CNTNAP2: variants seen among roughly 807,000 people sequenced by gnomAD.
CNTNAP2 encodes contactin-associated protein-like 2.
In CNTNAP2, 98 loss-of-function variants were observed where a neutral mutation model predicts 155.2. The observed-to-expected ratio is 0.63, with a 90% CI of 0.54 to 0.75. CNTNAP2 has a LOEUF of 0.75. Ranked by LOEUF, CNTNAP2 falls within the 30% of genes least tolerant of loss-of-function variation. The pLI is 0.00. For missense variants in CNTNAP2, 1,727 were observed against 1,688.1 expected, an observed-to-expected ratio of 1.02 and a Z score of -0.40; for synonymous variants, 651 against 631.2, an observed-to-expected ratio of 1.03 and a Z score of -0.47.
rs1475162956 is a variant in CNTNAP2, at chr7:148,407,060, T to A, written c.3716-2331T>A. Reference sequence around the variant, plus strand: ...AAAGAAGTCTGACATATAGTAGGCATTCTATAAAGATTTAGTGAATAAGTA... The same window carrying A: ...AAAGAAGTCTGACATATAGTAGGCAATCTATAAAGATTTAGTGAATAAGTA... On this transcript the variant is annotated intron_variant, in intron 22 of 23. Transcript: ENST00000361727. 2.6e-5 allele frequency among the ~76,000 whole-genome samples: 4 copies of A among 152,216 alleles called. 1 individual carries two copies. The highest frequency in any genetic ancestry group is 5.9e-5 in the Non-Finnish European group (4 of 68,048).
intron 13 of CNTNAP2, among the ~76,000 whole-genome samples, chr7:147,640,239 G>T (rs533144892): frequency 1.3e-5 from 2 of 152,010 alleles, no homozygotes; most frequent in Admixed American, 6.6e-5. Context: ...TATTTTTTGT[G>T]AAGCAAATAC....
chr7:147,115,801 C>T (rs1800975017), intron 5 of CNTNAP2, among the ~76,000 whole-genome samples: 1 of 152,160 alleles, frequency 6.6e-6, no homozygotes, highest in Non-Finnish European at 1.5e-5. Context: ...CTTCTGCAGC[C>T]TACTTCTGTC....
intron 10 of CNTNAP2, among the ~76,000 whole-genome samples, chr7:147,421,585 C>CTGTGTGTGGGTGTG: frequency 7.0e-6 from 1 of 143,602 alleles, no homozygotes; most frequent in East Asian, 2.1e-4. Flanking sequence ...TCTATCTAAT[C>CTGTGTGTGGGTGTG]TGTGTGTGTG....
At chr7:146,663,961 G>A (rs1360817250) in intron 1 of CNTNAP2, among the ~76,000 whole-genome samples, 1 of 151,996 alleles carries the variant, frequency 6.6e-6, no homozygotes, top group Non-Finnish European at 1.5e-5. Context: ...GGGGAAAAAC[G>A]TTCAGTCTTT....
At chr7:148,221,103 C>T (rs1795741387) in intron 19 of CNTNAP2, among the ~76,000 whole-genome samples, 1 of 152,086 alleles carries the variant, frequency 6.6e-6, no homozygotes, top group Non-Finnish European at 1.5e-5. Context: ...CGCTGCTGTG[C>T]CTTCATCACC....
intron 21 of CNTNAP2, among the ~76,000 whole-genome samples, chr7:148,358,879 G>C (rs1313879242): frequency 6.6e-6 from 1 of 152,196 alleles, no homozygotes; most frequent in Non-Finnish European, 1.5e-5. Flanking sequence ...CATAAAATGT[G>C]CACTTAAGAC....
In CNTNAP2 at chr7:147,084,510, A is replaced by G. The variant is rs371088431; in HGVS notation, c.551-23637A>G. On this transcript the variant is annotated intron_variant, in intron 4 of 23. Transcript: ENST00000361727. ...CACATAGCATGCTTATAAATGCTCT[A>G]TATTGTATATACATATAATACTATA... Among the ~76,000 whole-genome samples, 9 of 141,952 alleles carry G rather than the reference A, an allele frequency of 6.3e-5. No individual in the cohort carries two copies. In the East Asian group the frequency reaches 1.7e-3, roughly 27 times the overall value. 93.1% of individuals were successfully genotyped at this position (141,952 alleles called of 152,430 possible). A position where few individuals can be genotyped will look rare whatever the true frequency, so the allele number is the denominator to read the frequency against.
intron 1 of CNTNAP2, among the ~76,000 whole-genome samples, chr7:146,363,686 A>G (rs566040055): frequency 6.6e-6 from 1 of 152,150 alleles, no homozygotes; most frequent in Non-Finnish European, 1.5e-5. Context: ...ACATTGTGGG[A>G]TGTGTCCATG....
At chr7:146,900,392 C>A (rs1744114137) in intron 3 of CNTNAP2, among the ~76,000 whole-genome samples, 1 of 152,190 alleles carries the variant, frequency 6.6e-6, no homozygotes, top group African/African-American at 2.4e-5. Flanking sequence ...TGACCATCTG[C>A]AAGTCAATTC....
chr7:146,909,327 A>AAAGCCGGGCAGAGACACAACC (rs1359231107), intron 3 of CNTNAP2, among the ~76,000 whole-genome samples: 1 of 130,902 alleles, frequency 7.6e-6, no homozygotes, highest in African/African-American at 3.0e-5. Flanking sequence ...TTCTGATACC[A>AAAGCCGGGCAGAGACACAACC]AAGCCGGGCA....
intron 9 of CNTNAP2, among the ~76,000 whole-genome samples, chr7:147,304,260 A>G (rs1794990158): frequency 6.6e-6 from 1 of 152,052 alleles, no homozygotes; most frequent in Admixed American, 6.6e-5. Context: ...GTTATTTGGC[A>G]TGTTTCTTCA....
intron 15 of CNTNAP2, among the ~76,000 whole-genome samples, chr7:148,088,709 T>C (rs1276862524): frequency 6.6e-6 from 1 of 151,986 alleles, no homozygotes; most frequent in Non-Finnish European, 1.5e-5. Flanking sequence ...CCTGATAGCT[T>C]TACTGCTGAA....
At chr7:148,011,112 A>G (rs1802073624) in intron 15 of CNTNAP2, among the ~76,000 whole-genome samples, 2 of 152,132 alleles carry the variant, frequency 1.3e-5, no homozygotes, top group Admixed American at 1.3e-4. Flanking sequence ...TCCATTTACA[A>G]TGTAAAAGTC....
At chr7:147,587,539 T>C (rs1416658944) in intron 12 of CNTNAP2, among the ~76,000 whole-genome samples, 1 of 152,180 alleles carries the variant, frequency 6.6e-6, no homozygotes, top group Non-Finnish European at 1.5e-5. Flanking sequence ...CCCCTAAAAA[T>C]TACCTAAACT....
chr7:147,192,893 G>A lies in CNTNAP2; in HGVS notation c.1348+60384G>A, dbSNP rs1670794806. On this transcript the variant is annotated intron_variant, in intron 8 of 23. Coordinates refer to ENST00000361727, the MANE Select transcript of CNTNAP2 (RefSeq NM_014141.6). ...TTCTTCTTTGTAGCTCTATTTGACT[G>A]TAATGGGCGCAACTTACTGGTTTTA... is the stretch of plus-strand genomic sequence containing the variant. Among the ~76,000 whole-genome samples, 5 of 152,132 alleles carry A rather than the reference G, an allele frequency of 3.3e-5. No individual in the cohort carries two copies. In the South Asian group the frequency reaches 1.0e-3, roughly 31 times the overall value.
At chr7:146,813,992 A>C (rs994042467) in intron 2 of CNTNAP2, among the ~76,000 whole-genome samples, 8 of 152,112 alleles carry the variant, frequency 5.3e-5, no homozygotes, top group Admixed American at 2.6e-4. Flanking sequence ...CCCTTCCATC[A>C]TAATTGTAAG....
intron 13 of CNTNAP2, among the ~76,000 whole-genome samples, chr7:147,804,919 T>C (rs1312849002): frequency 4.6e-5 from 7 of 152,138 alleles, no homozygotes; most frequent in African/African-American, 1.7e-4. Context: ...TTTTTCTCTG[T>C]TCTTAGAACC....
intron 1 of CNTNAP2, among the ~76,000 whole-genome samples, chr7:146,523,892 T>G (rs56831211): frequency 0.41 from 61,900 of 151,986 alleles, 13,499 homozygotes; most frequent in African/African-American, 0.57. Context: ...AATATAGTAC[T>G]TTGTTGTTTT....
intron 1 of CNTNAP2, among the ~76,000 whole-genome samples, chr7:146,678,397 A>G: frequency 6.6e-6 from 1 of 152,102 alleles, no homozygotes; most frequent in East Asian, 1.9e-4. Flanking sequence ...TATTACCTTA[A>G]TTATGATATT....
Sources: allele counts gnomAD v4.1 joint callset (sites outside exome capture counted in the v4.1 genomes callset), GRCh38; gene constraint gnomAD v4.1.1; transcripts MANE v1.5; gene names NCBI Gene and HGNC (gene_info 2026-07-23, HGNC 2026-07-21).